KCNC4: variants seen among roughly 807,000 people sequenced by gnomAD.
KCNC4 encodes voltage-gated potassium channel KCNC4.
Under a neutral mutation model 42.8 loss-of-function variants are expected in KCNC4, and 23 were observed. The observed-to-expected ratio is 0.54, with a 90% CI of 0.39 to 0.76. The LOEUF is 0.76. KCNC4 is among the 30% of genes least tolerant of loss of function. The pLI, the probability that KCNC4 is intolerant of heterozygous loss-of-function variation, is 0.00. For synonymous variants in KCNC4, 422 were observed against 393.5 expected (o/e 1.07, Z -0.86); for missense variants, 751 against 898.2 (o/e 0.84, Z 2.10).
intron 1 of KCNC4, 129 bp from the exon 2 acceptor site, chr1:110,222,835 C>T (rs1159066625): frequency 3.0e-6 from 2 of 661,494 alleles, no homozygotes; most frequent in Non-Finnish European, 5.3e-6. Context: ...GCCCTGACTC[C>T]ATACGTTAAT....
chr1:110,254,169 T>A (rs1659292547), intron 1 of KCNC4, among the ~76,000 whole-genome samples: 1 of 151,228 alleles, frequency 6.6e-6, no homozygotes, highest in African/African-American at 2.4e-5. Flanking sequence ...GCTGTGGATG[T>A]CCCCCATCAG....
intron 1 of KCNC4, among the ~76,000 whole-genome samples, chr1:110,258,518 A>T (rs1441115728): frequency 6.6e-6 from 1 of 152,082 alleles, no homozygotes; most frequent in African/African-American, 2.4e-5. Flanking sequence ...TTACAGGGGT[A>T]AGCCACAGTG....
chr1:110,232,631 C>T, intron 3 of KCNC4: 2 of 1,441,984 alleles, frequency 1.4e-6, no homozygotes, highest in South Asian at 3.0e-5. Context: ...ACCTGAGTCA[C>T]CAGAGTTGGG....
At chr1:110,260,582 A>G (rs1384370267) in intron 1 of KCNC4, among the ~76,000 whole-genome samples, 1 of 152,242 alleles carries the variant, frequency 6.6e-6, no homozygotes, top group African/African-American at 2.4e-5. Context: ...TTCTTTCTTT[A>G]TAAGTTCTTT....
Position 110,223,447 on chromosome 1 carries a change from C to T in KCNC4, c.1162C>T (p.Leu388=). 3 of 1,614,010 alleles carry T rather than the reference C, an allele frequency of 1.9e-6. No homozygotes were observed. The South Asian group carries it at 3.3e-5, about 18-fold the overall frequency. The change falls in exon 2 of 4, where the codon CTG becomes TTG. Residue 388 remains leucine (L), a synonymous_variant. Coordinates refer to ENST00000438661, the MANE Select transcript of KCNC4 (RefSeq NM_001039574.3). The surrounding 1 kb of genome is among the most constrained non-coding windows in gnomAD (Gnocchi z 7.5). The part of the protein sequence containing the change: ...TNEFLLLIIF[L]ALGVLIFATM... ...TGAGTTCCTGCTGCTTATCATCTTC[C>T]TGGCCCTGGGTGTGCTCATCTTTGC...
intron 1 of KCNC4, among the ~76,000 whole-genome samples, chr1:110,259,163 C>T (rs1659385205): frequency 6.6e-6 from 1 of 152,136 alleles, no homozygotes; most frequent in African/African-American, 2.4e-5. Flanking sequence ...AAGGCTGGGC[C>T]CAGGCATCCT....
intron 3 of KCNC4, among the ~76,000 whole-genome samples, chr1:110,231,780 C>T (rs995421801): frequency 2.0e-5 from 3 of 152,164 alleles, no homozygotes; most frequent in African/African-American, 7.2e-5. Context: ...GCCCAGAACA[C>T]TTGTAGGCAA....
Position 110,210,818 on chromosome 1 carries a change from C to T in KCNC4, c.-682C>T, listed in dbSNP as rs1014001883. Among the ~76,000 whole-genome samples the T allele has an allele frequency of 6.6e-6, 1 of 151,978 alleles. No homozygotes were observed. Among genetic ancestry groups the T allele is most frequent in the African/African-American group, 2.4e-5 (1 of 41,404 alleles). ...CAGCTGCCGCCTCGCCCTGCGCAGCCCCCGCCCGCCCGGCCGCCGCTCTCT... is the reference window on the plus strand; with the variant it reads ...CAGCTGCCGCCTCGCCCTGCGCAGCTCCCGCCCGCCCGGCCGCCGCTCTCT... On this transcript the variant is annotated 5_prime_UTR_variant, in exon 1 of 4. Coordinates refer to ENST00000438661, the MANE Select transcript of KCNC4 (RefSeq NM_001039574.3).
At chr1:110,222,239 A>C (rs1391225229) in intron 1 of KCNC4, 1 of 152,222 alleles carries the variant, frequency 6.6e-6, no homozygotes, top group African/African-American at 2.4e-5. Context: ...GAGGCAGGAG[A>C]AGAGACTATG....
intron 1 of KCNC4, among the ~76,000 whole-genome samples, chr1:110,271,728 TG>T (rs1659638638): frequency 6.7e-6 from 1 of 148,256 alleles, no homozygotes; most frequent in African/African-American, 2.5e-5. Context: ...AACAATCATG[TG>T]GGGGCTGTTT....
At chr1:110,247,049 G>T (rs1412048829) in exon 4 of KCNC4, 1 of 151,880 alleles carries the variant, frequency 6.6e-6, no homozygotes, top group Non-Finnish European at 1.5e-5. Flanking sequence ...TTCACCTCTT[G>T]TTCCGGCTGT....
At chr1:110,237,539 A>G (rs1234432338), downstream of KCNC4, 1 of 152,090 alleles carries the variant, frequency 6.6e-6, no homozygotes, top group Non-Finnish European at 1.5e-5. Flanking sequence ...ATGTTTGGAG[A>G]CACAGTGGAT....
Position 110,211,423 on chromosome 1 carries a change from C to G in KCNC4, c.-77C>G. 1 of 1,501,104 alleles carries G rather than the reference C, an allele frequency of 6.7e-7. No homozygotes were observed. Among genetic ancestry groups the G allele is most frequent in the South Asian group, 1.3e-5 (1 of 75,454 alleles). 93.0% of individuals were successfully genotyped at this position (1,501,104 alleles called of 1,614,324 possible). A position where few individuals can be genotyped will look rare whatever the true frequency, so the allele number is the denominator to read the frequency against. ...CTCCTCTTCGTCTCCTCCCCCTCCC[C>G]CGTCTGACGCTGCCTCCTCGGGAAG... On this transcript the variant is annotated 5_prime_UTR_variant, in exon 1 of 4. Coordinates refer to ENST00000438661, the MANE Select transcript of KCNC4 (RefSeq NM_001039574.3). This position sits in a 1 kb window ranked among gnomAD's most constrained non-coding sequence, Gnocchi z 6.5.
At chr1:110,216,543 G>A (rs982724376) in intron 1 of KCNC4, among the ~76,000 whole-genome samples, 12 of 152,214 alleles carry the variant, frequency 7.9e-5, no homozygotes, top group Non-Finnish European at 1.6e-4. Flanking sequence ...GTTTCTGGTT[G>A]TCACATTAGG....
intron 1 of KCNC4, among the ~76,000 whole-genome samples, chr1:110,275,727 G>A (rs1557876337): frequency 6.6e-6 from 1 of 152,208 alleles, no homozygotes; most frequent in Non-Finnish European, 1.5e-5. Context: ...GGGAGGCCGA[G>A]GCGGGTGGAT....
intron 3 of KCNC4, chr1:110,232,348 G>A (rs1172492094): frequency 4.4e-6 from 7 of 1,601,444 alleles, no homozygotes; most frequent in Non-Finnish European, 6.0e-6. Flanking sequence ...ATACTCAGGA[G>A]CCTTCTTCAC....
Position 110,233,342 on chromosome 1 carries a change from G to T in KCNC4, c.*370G>T. 1 of 324,072 alleles carries T rather than the reference G, an allele frequency of 3.1e-6. No homozygotes were observed. Among genetic ancestry groups the T allele is most frequent in the Non-Finnish European group, 5.7e-6 (1 of 174,010 alleles). The allele number at this position is 324,072 out of a possible 1,614,324, so 20.1% of individuals were successfully genotyped here. A position where few individuals can be genotyped will look rare whatever the true frequency, so the allele number is the denominator to read the frequency against. On this transcript the variant is annotated 3_prime_UTR_variant, in exon 4 of 4. Transcript: ENST00000438661. ...TTTCTGTTGTTTCTGCTGACTGTGT[G>T]GGTGGAATGTCCCAAGAAAAGTGCA...
rs2100973596 is a variant in KCNC4 at position 110,211,363 on chromosome 1, C to G, written c.-137C>G. 1 of 1,326,226 alleles carries G rather than the reference C, an allele frequency of 7.5e-7. No homozygotes were observed. Among genetic ancestry groups the G allele is most frequent in the Non-Finnish European group, 1.0e-6 (1 of 984,264 alleles). 82.2% of individuals were successfully genotyped at this position (1,326,226 alleles called of 1,614,324 possible). On this transcript the variant is annotated 5_prime_UTR_variant, in exon 1 of 4. Transcript: ENST00000438661. The surrounding 1 kb of genome is among the most constrained non-coding windows in gnomAD (Gnocchi z 6.5). ...TCCTAGGGGGATAGGCAGGGGCAAG[C>G]CCAAGCCGCAGAGGGGGCCGCCACC...
In KCNC4 at chr1:110,229,395, CT is replaced by C. The variant is rs1301658461; in HGVS notation, c.1819+3219del. ...GCGGGCTGCCTAGGCGAGGGAGGCC[CT>C]TCCCTCAGGAAGCCTCTGCCCAGAT... On this transcript the variant is annotated intron_variant, in intron 3 of 3. Transcript: ENST00000438661. Among the ~76,000 whole-genome samples the C allele has an allele frequency of 7.2e-5, 11 of 152,294 alleles. No individual in the cohort carries two copies. In the East Asian group the frequency reaches 2.1e-3, roughly 29 times the overall value.
Sources: allele counts gnomAD v4.1 joint callset (sites outside exome capture counted in the v4.1 genomes callset), GRCh38; gene constraint gnomAD v4.1.1; non-coding constraint Gnocchi (gnomAD v3.1); transcripts MANE v1.5; gene names NCBI Gene and HGNC (gene_info 2026-07-23, HGNC 2026-07-21).